FDFT1: variants seen among roughly 807,000 people sequenced by gnomAD.
FDFT1 encodes squalene synthase.
FDFT1 carries 68 observed loss-of-function variants against 46.8 expected under a neutral mutation model. The ratio of observed to expected loss-of-function variants is 1.45; its 90% CI spans 1.19 to 1.78. The LOEUF is 1.78. Ranked by LOEUF, FDFT1 falls within the 40% of genes most tolerant of loss-of-function variation. FDFT1 has a pLI of 0.00. For missense variants in FDFT1, 928 were observed against 524.4 expected (o/e 1.77, Z -7.52); for synonymous variants, 351 against 185.1 (o/e 1.90, Z -7.28).
In FDFT1 at chr8:11,803,219, C is replaced by T. The variant is rs116651644; in HGVS notation, c.99+288C>T. 3,301 of 1,407,292 alleles carry T rather than the reference C, an allele frequency of 2.3e-3. 59 individuals are homozygous for T. The African/African-American group carries it at 0.034, about 15-fold the overall frequency. The allele number at this position is 1,407,292 out of a possible 1,614,324, so 87.2% of individuals were successfully genotyped here. A position where few individuals can be genotyped will look rare whatever the true frequency, so the allele number is the denominator to read the frequency against. On this transcript the variant is annotated intron_variant, in intron 1 of 7. Transcript: ENST00000220584. The stretch of plus-strand genomic sequence containing the variant: ...TTCGTCCCCTCCGTGAGCATCGGCG[C>T]TTACCGGTATTTTAACCCGAGGGTT...
At chr8:11,804,188 C>T (rs908717313) in intron 1 of FDFT1, among the ~76,000 whole-genome samples, 1 of 152,194 alleles carries the variant, frequency 6.6e-6, no homozygotes, top group South Asian at 2.1e-4. Context: ...CAGTTTTTCA[C>T]GTGGAGAAAA....
At chr8:11,796,793 C>G (rs942590109) in intron 1 of FDFT1, among the ~76,000 whole-genome samples, 1 of 152,214 alleles carries the variant, frequency 6.6e-6, no homozygotes, top group African/African-American at 2.4e-5. Context: ...CAAATTGGGC[C>G]TTAGCCCATG....
intron 1 of FDFT1, among the ~76,000 whole-genome samples, chr8:11,796,682 C>A (rs1471449857): frequency 1.3e-5 from 2 of 152,244 alleles, no homozygotes; most frequent in Middle Eastern, 3.4e-3. Context: ...GTTTGAGGAG[C>A]CTATTTGTTT....
chr8:11,803,257 C>G (rs955707991), intron 1 of FDFT1: 10 of 1,354,432 alleles, frequency 7.4e-6, no homozygotes, highest in Admixed American at 2.2e-5. Flanking sequence ...ACATCTGAGG[C>G]AATGTGGGTG....
In FDFT1 at chr8:11,802,852, T is replaced by G; in HGVS notation, c.20T>G (p.Leu7Arg). 1 of 1,611,466 alleles carries G rather than the reference T, an allele frequency of 6.2e-7. No individual in the cohort carries two copies. Among genetic ancestry groups the G allele is most frequent in the Non-Finnish European group, 8.5e-7 (1 of 1,178,784 alleles). Residue 7 changes from leucine to arginine, a missense_variant, in exon 1 of 8, where the codon CTT (leucine) becomes CGT (arginine). Physicochemically the swap from Leu to Arg is moderately radical, Grantham distance 102. Transcript: ENST00000220584. MEFVKC[L>R]GHPEEFYNLV... ...GCCAGGATGGAGTTCGTGAAATGCC[T>G]TGGCCACCCCGAAGAGTTCTACAAC...
At chr8:11,810,069 A>C in intron 3 of FDFT1, 1 of 508,020 alleles carries the variant, frequency 2.0e-6, no homozygotes, top group Non-Finnish European at 3.5e-6. Context: ...ACTTACAAAG[A>C]CTCTCTGTGC....
At chr8:11,837,875 G>T (rs1811753607) in intron 7 of FDFT1, among the ~76,000 whole-genome samples, 1 of 152,182 alleles carries the variant, frequency 6.6e-6, no homozygotes, top group South Asian at 2.1e-4. Context: ...GCTTGTGGAG[G>T]AGTGGGGAGG....
At chr8:11,802,116 G>A, upstream of FDFT1, 1 of 454,676 alleles carries the variant, frequency 2.2e-6, no homozygotes, top group South Asian at 1.6e-5. Context: ...AAACACTAGA[G>A]AGGGGGCAGC....
chr8:11,828,929 C>A (rs1810391095), intron 5 of FDFT1, among the ~76,000 whole-genome samples: 1 of 151,944 alleles, frequency 6.6e-6, no homozygotes, highest in Non-Finnish European at 1.5e-5. Context: ...TGGGTTCTTC[C>A]CATTTTTTTT....
At chr8:11,799,826 G>A (rs1780975278), upstream of FDFT1, among the ~76,000 whole-genome samples, 1 of 151,570 alleles carries the variant, frequency 6.6e-6, no homozygotes, top group Non-Finnish European at 1.5e-5. Context: ...CATGCCTGTA[G>A]TTCCAGCTAC....
chr8:11,833,827 T>C (rs745990266), intron 7 of FDFT1, among the ~76,000 whole-genome samples: 3 of 152,224 alleles, frequency 2.0e-5, no homozygotes, highest in Non-Finnish European at 4.4e-5. Context: ...AGGGTATCAG[T>C]TGTTCTGTTA....
chr8:11,831,462 A>G, intron 6 of FDFT1, 56 bp from the exon 7 acceptor site: 1 of 1,519,594 alleles, frequency 6.6e-7, no homozygotes, highest in Non-Finnish European at 9.1e-7. Context: ...TTTTTGTGAT[A>G]ATGATAGCTA....
At position 11,826,189 on chromosome 8, in the gene FDFT1, G is replaced by A. The variant is rs369627462; in HGVS notation, c.676G>A (p.Gly226Arg). 1 of 1,572,988 alleles carries A rather than the reference G, an allele frequency of 6.4e-7. No individual in the cohort carries two copies. Residue 226 changes from glycine to arginine, a missense_variant, in exon 5 of 8, where the codon GGA (glycine) becomes AGA (arginine). By Grantham distance (125) the Gly-to-Arg change is moderately radical (BLOSUM62 -2). Transcript: ENST00000220584. ...CCGTGACTATCTGGAAGACCAGCAA[G>A]GAGGAAGAGAGTTCTGGCCTCAAGA... ...IIRDYLEDQQ[G>R]GREFWPQEVW...
chr8:11,826,794 G>A (rs1015630060), intron 5 of FDFT1, among the ~76,000 whole-genome samples: 2 of 152,158 alleles, frequency 1.3e-5, no homozygotes, highest in South Asian at 2.1e-4. Flanking sequence ...CAGCCTGGGC[G>A]ACAGAGTGAG....
chr8:11,824,807 C>T (rs1462783642), intron 4 of FDFT1, among the ~76,000 whole-genome samples: 1 of 152,084 alleles, frequency 6.6e-6, no homozygotes, highest in Admixed American at 6.6e-5. Context: ...GCGATCTCGG[C>T]TCCCTGCAAG....
intron 3 of FDFT1, among the ~76,000 whole-genome samples, chr8:11,811,942 G>C (rs1371601955): frequency 6.6e-6 from 1 of 152,236 alleles, no homozygotes; most frequent in Non-Finnish European, 1.5e-5. Context: ...AGTGATTTGT[G>C]TATGTGCTGA....
intron 5 of FDFT1, among the ~76,000 whole-genome samples, chr8:11,827,258 A>G (rs528714224): frequency 4.1e-4 from 63 of 152,318 alleles, no homozygotes; most frequent in African/African-American, 1.5e-3. Context: ...GACCAGCCTG[A>G]GCAACACAGC....
rs1364901008 is a variant in FDFT1, at chr8:11,802,956, C to CGGGGCGGGGAAGGAGCTCGCT, written c.99+29_99+49dup. 5.1e-6 allele frequency: 8 copies of CGGGGCGGGGAAGGAGCTCGCT among 1,574,250 alleles called. No homozygotes were observed. The Admixed American group carries it at 1.3e-4, about 25-fold the overall frequency. ...GGTGGGCCGAGCCTCCCTGCTTGCC[C>CGGGGCGGGGAAGGAGCTCGCT]GGGGCGGGGAAGGAGCTCGCTGGGC... is the stretch of plus-strand genomic sequence containing the variant. On this transcript the variant is annotated intron_variant, in intron 1 of 7. Coordinates refer to ENST00000220584, the MANE Select transcript of FDFT1 (RefSeq NM_004462.5).
intron 3 of FDFT1, among the ~76,000 whole-genome samples, chr8:11,812,294 C>T (rs184006470): frequency 6.6e-6 from 1 of 152,360 alleles, no homozygotes; most frequent in Non-Finnish European, 1.5e-5. Flanking sequence ...TTCCTAAGGT[C>T]AGTCCATCTC....
Sources: allele counts gnomAD v4.1 joint callset (sites outside exome capture counted in the v4.1 genomes callset), GRCh38; gene constraint gnomAD v4.1.1; transcripts MANE v1.5; gene names NCBI Gene and HGNC (gene_info 2026-07-23, HGNC 2026-07-21).